Variants in XXYLT1 observed in about 807,000 individuals in gnomAD.
The protein encoded by XXYLT1 is xyloside xylosyltransferase 1, also known as UDP-xylose:alpha-xyloside alpha-1,3-xylosyltransferase.
In XXYLT1, 20 loss-of-function variants were observed where a neutral mutation model predicts 28.9. The observed-to-expected ratio is 0.69, with a 90% CI of 0.49 to 1.00. The LOEUF is 1.00. Ranked by LOEUF, XXYLT1 falls within the 50% of genes least tolerant of loss-of-function variation. The probability of loss-of-function intolerance (pLI) is 0.00; values close to 1 mark genes in which losing one functional copy is unlikely to be tolerated. For missense variants in XXYLT1, 542 were observed against 560.1 expected (o/e 0.97, Z 0.33); for synonymous variants, 257 against 253.8 (o/e 1.01, Z -0.12).
intron 1 of XXYLT1, among the ~76,000 whole-genome samples, chr3:195,243,733 T>C (rs1361469667): frequency 6.6e-6 from 1 of 152,242 alleles, no homozygotes; most frequent in African/African-American, 2.4e-5. Context: ...GCTCTGAATT[T>C]GGTTAGCTTT....
intron 2 of XXYLT1, among the ~76,000 whole-genome samples, chr3:195,213,846 G>T (rs1723440082): frequency 6.6e-6 from 1 of 152,144 alleles, no homozygotes; most frequent in Non-Finnish European, 1.5e-5. Flanking sequence ...GGCCTACATG[G>T]TCACTATTCC....
rs533327806 is a variant in XXYLT1 at position 195,185,858 on chromosome 3, C to T, written c.653-29277G>A. On this transcript the variant is annotated intron_variant, in intron 2 of 3. Coordinates refer to ENST00000310380, the MANE Select transcript of XXYLT1 (RefSeq NM_152531.5). ...CTCCTTGCACAACAAGACCAGAGGC[C>T]TCTCCCTTCCCTTTCCCACCTCTCT... 2.6e-5 allele frequency among the ~76,000 whole-genome samples: 4 copies of T among 152,238 alleles called. No individual in the cohort carries two copies. The South Asian group carries it at 6.2e-4, about 24-fold the overall frequency.
intron 2 of XXYLT1, chr3:195,184,804 A>G: frequency 1.0e-6 from 1 of 985,466 alleles, no homozygotes; most frequent in African/African-American, 1.7e-5. Context: ...CAATTAGGAA[A>G]AAAATCTGAA....
intron 3 of XXYLT1, among the ~76,000 whole-genome samples, chr3:195,071,057 A>G (rs2108634735): frequency 6.6e-6 from 1 of 152,232 alleles, no homozygotes; most frequent in Middle Eastern, 3.4e-3. Context: ...CAGCCTCTTT[A>G]ATAGCTAAGC....
At chr3:195,183,257 T>C (rs966241949) in intron 2 of XXYLT1, among the ~76,000 whole-genome samples, 19 of 152,116 alleles carry the variant, frequency 1.2e-4, no homozygotes, top group African/African-American at 4.3e-4. Context: ...TAAGAAGTGA[T>C]TGGATCATGG....
At chr3:195,122,240 C>T (rs1380433844) in intron 3 of XXYLT1, 1 of 696,454 alleles carries the variant, frequency 1.4e-6, no homozygotes, top group Non-Finnish European at 2.6e-6. Flanking sequence ...TACCATCACA[C>T]TGGGGGTTAG....
intron 1 of XXYLT1, among the ~76,000 whole-genome samples, chr3:195,253,623 C>T (rs574623795): frequency 6.6e-6 from 1 of 151,286 alleles, no homozygotes; most frequent in African/African-American, 2.4e-5. Context: ...CTCAGCCTCT[C>T]GAGCAGCTGG....
intron 3 of XXYLT1, among the ~76,000 whole-genome samples, chr3:195,096,539 C>T (rs56765751): frequency 0.056 from 8,482 of 152,298 alleles, 348 homozygotes; most frequent in East Asian, 0.18. Flanking sequence ...TACATTTCCT[C>T]GGCCTTCGGG....
At chr3:195,157,120 G>A (rs1005437195) in intron 2 of XXYLT1, among the ~76,000 whole-genome samples, 2 of 151,786 alleles carry the variant, frequency 1.3e-5, no homozygotes, top group Non-Finnish European at 2.9e-5. Flanking sequence ...GCAGGTGCCT[G>A]TAATTCCAGC....
chr3:195,220,426 G>A (rs1012580239), intron 2 of XXYLT1, among the ~76,000 whole-genome samples: 1 of 152,206 alleles, frequency 6.6e-6, no homozygotes, highest in Non-Finnish European at 1.5e-5. Context: ...TTACAGGCGT[G>A]AGCCACCTCG....
chr3:195,232,629 T>A (rs1346314884), intron 1 of XXYLT1, among the ~76,000 whole-genome samples: 3 of 152,210 alleles, frequency 2.0e-5, no homozygotes, highest in African/African-American at 7.2e-5. Flanking sequence ...TCTTAACCTC[T>A]TCATTGACCA....
chr3:195,185,662 G>T (rs987666277), intron 2 of XXYLT1, among the ~76,000 whole-genome samples: 4 of 152,072 alleles, frequency 2.6e-5, no homozygotes, highest in African/African-American at 9.7e-5. Flanking sequence ...CAGGTGTTGG[G>T]CTGGCCTGGC....
At chr3:195,207,647 A>G (rs1723131728) in intron 2 of XXYLT1, 1 of 259,254 alleles carries the variant, frequency 3.9e-6, no homozygotes, top group Non-Finnish European at 7.9e-6. Context: ...CTGCATAACA[A>G]GTTAACCCAA....
intron 1 of XXYLT1, among the ~76,000 whole-genome samples, chr3:195,263,884 G>A (rs532716573): frequency 6.6e-6 from 1 of 152,286 alleles, no homozygotes; most frequent in South Asian, 2.1e-4. Flanking sequence ...TGAGAACAGA[G>A]AATGTGCCAG....
Position 195,195,348 on chromosome 3 carries a change from C to T in XXYLT1, c.652+31361G>A, listed in dbSNP as rs1412134578. Among the ~76,000 whole-genome samples, 1 of 152,162 alleles carries T rather than the reference C, an allele frequency of 6.6e-6. No homozygotes were observed. Among genetic ancestry groups the T allele is most frequent in the Non-Finnish European group, 1.5e-5 (1 of 68,038 alleles). ...TCATTGCTATTACCAGCAAGACATG[C>T]CTGGCTTGAAGTGCTCTGAGAAGGT... On this transcript the variant is annotated intron_variant, in intron 2 of 3. Coordinates refer to ENST00000310380, the MANE Select transcript of XXYLT1 (RefSeq NM_152531.5). This position sits in a 1 kb window ranked among gnomAD's most constrained non-coding sequence, Gnocchi z 4.4.
intron 2 of XXYLT1, among the ~76,000 whole-genome samples, chr3:195,178,942 A>G (rs986419730): frequency 6.6e-6 from 1 of 152,244 alleles, no homozygotes; most frequent in Non-Finnish European, 1.5e-5. Flanking sequence ...ATATGTCTGA[A>G]GATGGAAGAG....
chr3:195,264,200 C>A (rs538943332), intron 1 of XXYLT1, among the ~76,000 whole-genome samples: 1 of 152,326 alleles, frequency 6.6e-6, no homozygotes, highest in East Asian at 1.9e-4. Context: ...CCAACTCAGG[C>A]CAAGAAATAA....
rs767476044 is a variant in XXYLT1 at position 195,226,737 on chromosome 3, C to T, written c.624G>A (p.Ser208=). Residue 208 remains serine (S), a synonymous_variant, in exon 2 of 4, where the codon TCG becomes TCA. Coordinates refer to ENST00000310380, the MANE Select transcript of XXYLT1 (RefSeq NM_152531.5). ...TYYSDSIFFL[S]VAMHQIMPKE... ...TGGGCATGATCTGATGCATGGCGAC[C>T]GAGAGGAAGAAGATGGAGTCACTGT... 1.4e-5 allele frequency: 23 copies of T among 1,613,522 alleles called. 1 individual carries two copies. In the South Asian group the frequency reaches 1.6e-4, roughly 12 times the overall value.
At position 195,180,345 on chromosome 3, in the gene XXYLT1, G is replaced by C. The variant is rs1409669572; in HGVS notation, c.653-23764C>G. 1 of 985,372 alleles carries C rather than the reference G, an allele frequency of 1.0e-6. No homozygotes were observed. Among genetic ancestry groups the C allele is most frequent in the Non-Finnish European group, 1.2e-6 (1 of 830,012 alleles). 61.0% of individuals were successfully genotyped at this position (985,372 alleles called of 1,614,324 possible). On this transcript the variant is annotated intron_variant, in intron 2 of 3. Transcript: ENST00000310380. The surrounding 1 kb of genome is among the most constrained non-coding windows in gnomAD (Gnocchi z 5.8). ...GGCCCAGAAGGAAGGAGCCACAAAG[G>C]TCTGGATGGTTTATCCCCCTGGCCC...
Sources: allele counts gnomAD v4.1 joint callset (sites outside exome capture counted in the v4.1 genomes callset), GRCh38; gene constraint gnomAD v4.1.1; non-coding constraint Gnocchi (gnomAD v3.1); transcripts MANE v1.5; gene names NCBI Gene and HGNC (gene_info 2026-07-23, HGNC 2026-07-21).